Variants in CTNNA3 observed in about 807,000 individuals in gnomAD.
CTNNA3 encodes the protein catenin alpha-3.
CTNNA3 carries 76 observed loss-of-function variants against 95.7 expected under a neutral mutation model. That is an observed-to-expected ratio of 0.79 (90% CI 0.66 to 0.96). The LOEUF is 0.96. CTNNA3 is among the 40% of genes least tolerant of loss of function. CTNNA3 has a pLI of 0.00. For missense variants in CTNNA3, 1,191 were observed against 1,089.8 expected, an observed-to-expected ratio of 1.09 and a Z score of -1.31; for synonymous variants, 431 against 374.4, an observed-to-expected ratio of 1.15 and a Z score of -1.74.
At chr10:67,425,925 T>C (rs1430743782) in intron 5 of CTNNA3, among the ~76,000 whole-genome samples, 1 of 152,084 alleles carries the variant, frequency 6.6e-6, no homozygotes, top group Non-Finnish European at 1.5e-5. Context: ...ATCCTGTTTC[T>C]GGGAAGGGCC....
chr10:67,350,311 T>C (rs538049226), intron 5 of CTNNA3, among the ~76,000 whole-genome samples: 59 of 151,978 alleles, frequency 3.9e-4, no homozygotes, highest in Non-Finnish European at 7.8e-4. Context: ...AAAGCACCAT[T>C]ATAGAAAGAC....
intron 13 of CTNNA3, among the ~76,000 whole-genome samples, chr10:66,171,105 C>T (rs1258584551): frequency 6.6e-6 from 1 of 151,978 alleles, no homozygotes; most frequent in African/African-American, 2.4e-5. Flanking sequence ...TGCACTCCAA[C>T]CTGGGCGACA....
intron 2 of CTNNA3, among the ~76,000 whole-genome samples, chr10:67,629,754 T>C (rs1317630993): frequency 2.0e-5 from 3 of 152,190 alleles, no homozygotes; most frequent in African/African-American, 7.2e-5. Flanking sequence ...GAATAGAATG[T>C]AGTTTGGAAA....
chr10:67,532,992 C>T (rs1368280374), intron 4 of CTNNA3, among the ~76,000 whole-genome samples: 1 of 152,036 alleles, frequency 6.6e-6, no homozygotes, highest in Non-Finnish European at 1.5e-5. Flanking sequence ...AGAAGCCATC[C>T]AAACCTATTT....
intron 12 of CTNNA3, among the ~76,000 whole-genome samples, chr10:66,356,714 T>C (rs2092613531): frequency 6.6e-6 from 1 of 152,052 alleles, no homozygotes; most frequent in African/African-American, 2.4e-5. Flanking sequence ...ATTCATTCTT[T>C]TACTGTTAAG....
chr10:66,179,949 TGA>T (rs1043352828), intron 13 of CTNNA3, among the ~76,000 whole-genome samples: 1 of 152,244 alleles, frequency 6.6e-6, no homozygotes. Context: ...GAGTATGGGT[TGA>T]ATAGTAGATG....
intron 5 of CTNNA3, among the ~76,000 whole-genome samples, chr10:67,389,166 A>C (rs1844334974): frequency 1.3e-5 from 2 of 151,814 alleles, no homozygotes; most frequent in East Asian, 3.9e-4. Flanking sequence ...CAGGAAACCC[A>C]TCTCACGTGC....
intron 7 of CTNNA3, among the ~76,000 whole-genome samples, chr10:67,085,287 T>C (rs1033876022): frequency 2.0e-5 from 3 of 151,890 alleles, no homozygotes; most frequent in East Asian, 1.9e-4. Flanking sequence ...AAAATATGAC[T>C]AGTCTTCTTG....
At chr10:66,996,649 C>CAAA (rs57025097) in intron 7 of CTNNA3, among the ~76,000 whole-genome samples, 3,676 of 67,512 alleles carry the variant, frequency 0.054, 510 homozygotes, top group Non-Finnish European at 0.065. Context: ...TCCGTCTCTA[C>CAAA]AAAAAAAAAA....
At chr10:66,033,476 A>G (rs2079492609) in intron 15 of CTNNA3, among the ~76,000 whole-genome samples, 1 of 151,514 alleles carries the variant, frequency 6.6e-6, no homozygotes, top group South Asian at 2.1e-4. Context: ...TTTTTTTAAA[A>G]TGCATATAAG....
chr10:66,188,850 G>A (rs1000846513), intron 13 of CTNNA3, among the ~76,000 whole-genome samples: 1 of 151,866 alleles, frequency 6.6e-6, no homozygotes, highest in African/African-American at 2.4e-5. Context: ...CCCACCAAGA[G>A]TATATCAGGT....
chr10:66,525,684 TAA>T (rs1841231985), intron 10 of CTNNA3, among the ~76,000 whole-genome samples: 1 of 152,154 alleles, frequency 6.6e-6, no homozygotes, highest in Non-Finnish European at 1.5e-5. Flanking sequence ...TAAAATTCGC[TAA>T]GTTAACCATT....
chr10:66,226,797 AT>A lies in CTNNA3; in HGVS notation c.1884+53672del, dbSNP rs144754914. 1.1e-4 allele frequency among the ~76,000 whole-genome samples: 16 copies of A among 151,698 alleles called. No individual in the cohort carries two copies. The East Asian group carries it at 1.9e-3, about 18-fold the overall frequency. On this transcript the variant is annotated intron_variant, in intron 13 of 17. Coordinates refer to ENST00000433211, the MANE Select transcript of CTNNA3 (RefSeq NM_013266.4). ...TCCTTGGTTGAATTTATTCTTAGGT[AT>A]TTTTTTATTATTTTTACAGCTATTA... is the stretch of plus-strand genomic sequence containing the variant.
chr10:65,938,280 G>A (rs1314200529), intron 17 of CTNNA3, among the ~76,000 whole-genome samples: 2 of 152,054 alleles, frequency 1.3e-5, no homozygotes, highest in Admixed American at 1.3e-4. Flanking sequence ...AACGTGCTTC[G>A]TAAACCATCT....
At chr10:66,384,829 T>G (rs985813825) in intron 11 of CTNNA3, among the ~76,000 whole-genome samples, 1 of 152,042 alleles carries the variant, frequency 6.6e-6, no homozygotes. Flanking sequence ...AACAACCTGC[T>G]CCTGAATGAC....
At chr10:66,405,415 C>G (rs113058427) in intron 11 of CTNNA3, among the ~76,000 whole-genome samples, 2 of 152,020 alleles carry the variant, frequency 1.3e-5, no homozygotes, top group Non-Finnish European at 2.9e-5. Flanking sequence ...AAAAATATGT[C>G]GAATAGAGTG....
In CTNNA3 at chr10:66,060,423, C is replaced by CTA. The variant is rs1319709540; in HGVS notation, c.2159+8883_2159+8884dup. Among the ~76,000 whole-genome samples the CTA allele has an allele frequency of 1.1e-4, 17 of 152,102 alleles. No individual in the cohort carries two copies. The East Asian group carries it at 3.3e-3, about 29-fold the overall frequency. On this transcript the variant is annotated intron_variant, in intron 15 of 17. Coordinates refer to ENST00000433211, the MANE Select transcript of CTNNA3 (RefSeq NM_013266.4). ...TGCTCCTTTTCAAGTCTCACTAAAA[C>CTA]TATATATGAGTTATTTTTGTTTATT...
rs1236360535 is a variant in CTNNA3, at chr10:66,927,795, T to C, written c.1048-152271A>G. ...TGGATTCCAACAAGCTCACATTTATTGGTCAAGAGATTTTGGATTCTTGGA... is the reference window on the plus strand; with the variant it reads ...TGGATTCCAACAAGCTCACATTTATCGGTCAAGAGATTTTGGATTCTTGGA... On this transcript the variant is annotated intron_variant, in intron 7 of 17. Coordinates refer to ENST00000433211, the MANE Select transcript of CTNNA3 (RefSeq NM_013266.4). The surrounding 1 kb of genome is among the most constrained non-coding windows in gnomAD (Gnocchi z 4.7). 6.2e-7 allele frequency: 1 copy of C among 1,614,110 alleles called. No individual in the cohort carries two copies. Among genetic ancestry groups the C allele is most frequent in the Non-Finnish European group, 8.5e-7 (1 of 1,180,046 alleles).
chr10:65,924,479 A>C (rs2077135618), intron 17 of CTNNA3, among the ~76,000 whole-genome samples: 1 of 152,196 alleles, frequency 6.6e-6, no homozygotes, highest in Admixed American at 6.5e-5. Flanking sequence ...AAATGACATT[A>C]GTTTTACAAC....
Sources: allele counts gnomAD v4.1 joint callset (sites outside exome capture counted in the v4.1 genomes callset), GRCh38; gene constraint gnomAD v4.1.1; non-coding constraint Gnocchi (gnomAD v3.1); transcripts MANE v1.5; gene names NCBI Gene and HGNC (gene_info 2026-07-23, HGNC 2026-07-21).